RASGEF1B: variants seen among roughly 807,000 people sequenced by gnomAD.
RASGEF1B encodes RasGEF domain family member 1B, also known as ras-GEF domain-containing family member 1B.
In RASGEF1B, 30 loss-of-function variants were observed where a neutral mutation model predicts 65.7. That is an observed-to-expected ratio of 0.46 (90% CI 0.34 to 0.62). The LOEUF is 0.62. Ranked by LOEUF, RASGEF1B falls within the 20% of genes least tolerant of loss-of-function variation. The pLI is 0.01. For synonymous variants in RASGEF1B, 175 were observed against 194.8 expected (o/e 0.90, Z 0.85); for missense variants, 495 against 580.1 (o/e 0.85, Z 1.51).
intron 12 of RASGEF1B, 23 bp from the exon 13 acceptor site, chr4:81,432,394 G>A (rs539757547): frequency 2.0e-6 from 3 of 1,505,230 alleles, no homozygotes; most frequent in African/African-American, 2.8e-5. Flanking sequence ...AAAAGAAAGT[G>A]CATTAACATT....
chr4:81,463,252 G>A (rs1037770076), intron 1 of RASGEF1B, among the ~76,000 whole-genome samples: 12 of 152,124 alleles, frequency 7.9e-5, no homozygotes, highest in Non-Finnish European at 1.0e-4. Flanking sequence ...TTAAGCTACT[G>A]ACCTTTGCCA....
chr4:81,438,217 C>A (rs1721712414), intron 10 of RASGEF1B, among the ~76,000 whole-genome samples: 2 of 152,148 alleles, frequency 1.3e-5, no homozygotes, highest in South Asian at 2.1e-4. Flanking sequence ...ACAAAAAAAA[C>A]AAACAGCTAT....
At chr4:81,463,429 A>G (rs761181468) in intron 1 of RASGEF1B, among the ~76,000 whole-genome samples, 2 of 152,234 alleles carry the variant, frequency 1.3e-5, no homozygotes, top group Non-Finnish European at 2.9e-5. Flanking sequence ...CAGAGCATCT[A>G]ACGAGGGATA....
intron 1 of RASGEF1B, among the ~76,000 whole-genome samples, chr4:81,464,752 C>A (rs1443271869): frequency 6.6e-6 from 1 of 152,138 alleles, no homozygotes; most frequent in Non-Finnish European, 1.5e-5. Flanking sequence ...CTGACAGTAA[C>A]CTTGGTCTAA....
chr4:81,441,244 T>C (rs1464785983), intron 9 of RASGEF1B, among the ~76,000 whole-genome samples: 1 of 152,158 alleles, frequency 6.6e-6, no homozygotes, highest in Non-Finnish European at 1.5e-5. Context: ...AATTTCCTGT[T>C]TGCATCTGAA....
rs547058629 is a variant in RASGEF1B at position 81,434,654 on chromosome 4, G to A, written c.1185C>T (p.Gly395=). The change falls in exon 11 of 14, where the codon GGC becomes GGT. Residue 395 remains glycine, a synonymous_variant. Transcript: ENST00000264400. The stretch of plus-strand genomic sequence containing the variant: ...TCACACTCACCTCAAAATTGACATG[G>A]CCATTGGGAAGGCGGTTGGCACAAC... ...NEGCANRLPN[G]HVNFEKFWEL... The A allele has an allele frequency of 1.3e-6, 2 of 1,594,146 alleles. No individual in the cohort carries two copies. Among genetic ancestry groups the A allele is most frequent in the Non-Finnish European group, 8.6e-7 (1 of 1,161,920 alleles).
chr4:81,438,346 C>T (rs1721715853), intron 10 of RASGEF1B, among the ~76,000 whole-genome samples: 1 of 152,220 alleles, frequency 6.6e-6, no homozygotes. Flanking sequence ...ACAAAAGATT[C>T]ACCATATTGG....
intron 13 of RASGEF1B, among the ~76,000 whole-genome samples, chr4:81,428,560 T>A (rs1360850242): frequency 6.6e-6 from 1 of 152,230 alleles, no homozygotes; most frequent in Non-Finnish European, 1.5e-5. Flanking sequence ...CTAGAGATGA[T>A]TTATGGTACA....
At chr4:81,431,794 C>T (rs1721435630) in intron 13 of RASGEF1B, among the ~76,000 whole-genome samples, 1 of 152,144 alleles carries the variant, frequency 6.6e-6, no homozygotes, top group Non-Finnish European at 1.5e-5. Context: ...CAAACATACT[C>T]ATAGGATATC....
chr4:81,433,976 T>C lies in RASGEF1B; in HGVS notation c.1201-13A>G, dbSNP rs1186400429. On this transcript the variant is annotated splice_polypyrimidine_tract_variant and intron_variant, in intron 11 of 13. Transcript: ENST00000264400. The stretch of plus-strand genomic sequence containing the variant: ...GTTCCCAAAATTTCTGGAAGATAAG[T>C]AAAAAAAGAATATAAAGGTGATCAT... 3 of 1,606,824 alleles carry C rather than the reference T, an allele frequency of 1.9e-6. No individual in the cohort carries two copies. Among genetic ancestry groups the C allele is most frequent in the African/African-American group, 1.3e-5 (1 of 74,412 alleles).
intron 9 of RASGEF1B, 87 bp from the exon 10 acceptor site, chr4:81,441,016 A>G (rs1316294735): frequency 5.8e-6 from 5 of 859,350 alleles, no homozygotes; most frequent in East Asian, 2.6e-5. Flanking sequence ...TTAGCTATAT[A>G]CAAAATTCAA....
intron 11 of RASGEF1B, 115 bp downstream of exon 11, chr4:81,434,524 T>A (rs540060885): frequency 2.6e-5 from 18 of 702,290 alleles, no homozygotes; most frequent in Admixed American, 2.3e-4. Context: ...TGGAAAGAGA[T>A]AATTTGTTCT....
intron 5 of RASGEF1B, 74 bp from the exon 6 acceptor site, chr4:81,447,652 C>A: frequency 9.7e-7 from 1 of 1,027,290 alleles, no homozygotes; most frequent in Non-Finnish European, 1.5e-6. Flanking sequence ...CCCTCTATGA[C>A]TATTGGCACC....
At chr4:81,462,795 C>T (rs1054688368) in intron 1 of RASGEF1B, among the ~76,000 whole-genome samples, 1 of 152,122 alleles carries the variant, frequency 6.6e-6, no homozygotes, top group East Asian at 1.9e-4. Flanking sequence ...TTATGACATC[C>T]GTGATGCAGA....
At chr4:81,458,101 T>C (rs763084065) in intron 2 of RASGEF1B, among the ~76,000 whole-genome samples, 3 of 152,242 alleles carry the variant, frequency 2.0e-5, no homozygotes, top group Non-Finnish European at 4.4e-5. Flanking sequence ...CTCCACTGTG[T>C]CTAGCACATC....
chr4:81,446,335 T>A (rs1162030006), intron 6 of RASGEF1B, among the ~76,000 whole-genome samples: 1 of 152,216 alleles, frequency 6.6e-6, no homozygotes, highest in Non-Finnish European at 1.5e-5. Context: ...ATCGTGCCAC[T>A]GCACTCTAGC....
Position 81,445,619 on chromosome 4 carries a change from T to TC in RASGEF1B, c.834dup (p.Lys279GlufsTer9). 1 of 1,613,758 alleles carries TC rather than the reference T, an allele frequency of 6.2e-7. No homozygotes were observed. The highest frequency in any genetic ancestry group is 8.5e-7 in the Non-Finnish European group (1 of 1,179,664). The stretch of plus-strand genomic sequence containing the variant: ...TCAATCATTCTTGCTCGGTGTTTTT[T>TC]CTTAACAGGCTACACAGTAAAAGAC... On this transcript the variant is annotated frameshift_variant, in exon 8 of 14. Transcript: ENST00000264400. LOFTEE classifies it high-confidence loss of function.
At chr4:81,469,551 T>C (rs1241404704) in intron 1 of RASGEF1B, among the ~76,000 whole-genome samples, 1 of 152,192 alleles carries the variant, frequency 6.6e-6, no homozygotes, top group Non-Finnish European at 1.5e-5. Flanking sequence ...TAATTTTAGG[T>C]TCTAAGAATA....
In RASGEF1B at chr4:81,457,558, C is replaced by T. The variant is rs748001590; in HGVS notation, c.241G>A (p.Ala81Thr). The T allele has an allele frequency of 6.2e-7, 1 of 1,614,008 alleles. No homozygotes were observed. The highest frequency in any genetic ancestry group is 1.1e-5 in the South Asian group (1 of 91,080). Residue 81 changes from alanine (A) to threonine (T), a missense_variant, in exon 3 of 14, where the codon GCC becomes ACC. Ala to Thr is a moderately conservative substitution (Grantham distance 58). Transcript: ENST00000264400. ...RLFMHPYELM[A>T]KVCHLCVEHQ... is the part of the protein sequence containing the mutation. ...TCAACACATAAGTGGCAAACTTTGGCCATTAGCTCATACGGATGCATAAAT... is the reference window on the plus strand; with the variant it reads ...TCAACACATAAGTGGCAAACTTTGGTCATTAGCTCATACGGATGCATAAAT...
Sources: allele counts gnomAD v4.1 joint callset (sites outside exome capture counted in the v4.1 genomes callset), GRCh38; gene constraint gnomAD v4.1.1; transcripts MANE v1.5; gene names NCBI Gene and HGNC (gene_info 2026-07-23, HGNC 2026-07-21).